Variants in FRAS1 observed in about 807,000 individuals in gnomAD.
The protein encoded by FRAS1 is Fraser extracellular matrix complex subunit 1, also known as extracellular matrix organizing protein FRAS1.
A neutral mutation model predicts 435.2 loss-of-function variants in FRAS1; 290 were observed. The observed-to-expected ratio is 0.67, with a 90% CI of 0.61 to 0.73. FRAS1 has a LOEUF of 0.73. Among genes scored for constraint, FRAS1 ranks in the 30% least tolerant of loss-of-function variants. The probability of loss-of-function intolerance (pLI) is 0.00; values close to 1 mark genes in which losing one functional copy is unlikely to be tolerated. For synonymous variants in FRAS1, 1,800 were observed against 1,851.0 expected, an observed-to-expected ratio of 0.97 and a Z score of 0.71; for missense variants, 4,860 against 5,001.5, an observed-to-expected ratio of 0.97 and a Z score of 0.85.
intron 2 of FRAS1, among the ~76,000 whole-genome samples, chr4:78,125,141 C>T (rs1002323220): frequency 6.6e-6 from 1 of 152,108 alleles, no homozygotes; most frequent in African/African-American, 2.4e-5. Flanking sequence ...TATAAATTTC[C>T]CTCTACACAC....
intron 58 of FRAS1, among the ~76,000 whole-genome samples, chr4:78,483,854 G>A (rs2109861300): frequency 6.8e-6 from 1 of 146,820 alleles, no homozygotes; most frequent in Admixed American, 6.9e-5. Flanking sequence ...ACACATACTT[G>A]CATGCATCCA....
chr4:78,464,172 T>C, intron 48 of FRAS1, 27 bp downstream of exon 48: 1 of 1,591,168 alleles, frequency 6.3e-7, no homozygotes. Flanking sequence ...ACTCCATCCT[T>C]GAAAAGTATT....
At chr4:78,117,926 T>G in intron 2 of FRAS1, among the ~76,000 whole-genome samples, 1 of 152,230 alleles carries the variant, frequency 6.6e-6, no homozygotes. Context: ...GAGTTTCCAG[T>G]TTTTCTGCTC....
intron 2 of FRAS1, among the ~76,000 whole-genome samples, chr4:78,162,249 A>T (rs1721172452): frequency 1.3e-5 from 2 of 152,192 alleles, no homozygotes; most frequent in African/African-American, 4.8e-5. Flanking sequence ...CCACAAGAAA[A>T]AGGTTTTTAA....
chr4:78,455,424 A>G (rs7693839), intron 47 of FRAS1, among the ~76,000 whole-genome samples: 113,869 of 150,990 alleles, frequency 0.75, 43,469 homozygotes, highest in African/African-American at 0.85. Flanking sequence ...TTGAGGAGGG[A>G]GGGGGTTCTG....
At chr4:78,417,042 C>G (rs1560715109) in intron 32 of FRAS1, among the ~76,000 whole-genome samples, 1 of 152,120 alleles carries the variant, frequency 6.6e-6, no homozygotes, top group East Asian at 1.9e-4. Context: ...AGTTTAATCT[C>G]TCATTTCTTA....
At chr4:78,460,031 A>G (rs1243989591) in intron 47 of FRAS1, among the ~76,000 whole-genome samples, 14 of 152,172 alleles carry the variant, frequency 9.2e-5, no homozygotes, top group Non-Finnish European at 4.4e-5. Flanking sequence ...GAAAGGGTGC[A>G]ATTCAACCCA....
At chr4:78,285,172 C>T (rs1468896468) in intron 13 of FRAS1, among the ~76,000 whole-genome samples, 1 of 151,964 alleles carries the variant, frequency 6.6e-6, no homozygotes, top group African/African-American at 2.4e-5. Context: ...CCCCTTATTT[C>T]TGACTTATGA....
intron 19 of FRAS1, among the ~76,000 whole-genome samples, chr4:78,334,372 T>C (rs1333467124): frequency 2.0e-5 from 2 of 98,164 alleles, no homozygotes; most frequent in East Asian, 2.2e-4. Flanking sequence ...TCTTTTTTTT[T>C]TTTTTTTTTT....
At chr4:78,234,892 G>C (rs115902644) in intron 2 of FRAS1, among the ~76,000 whole-genome samples, 2,247 of 152,244 alleles carry the variant, frequency 0.015, 44 homozygotes, top group African/African-American at 0.05. Flanking sequence ...TATTAGTCTA[G>C]GTTCTCCAGA....
intron 2 of FRAS1, among the ~76,000 whole-genome samples, chr4:78,186,945 G>C (rs796146200): frequency 4.6e-5 from 7 of 152,206 alleles, no homozygotes; most frequent in African/African-American, 1.7e-4. Flanking sequence ...CCAAATCTTT[G>C]AGCCTAAAAT....
intron 2 of FRAS1, among the ~76,000 whole-genome samples, chr4:78,100,085 T>A (rs991572734): frequency 3.3e-5 from 5 of 152,156 alleles, no homozygotes; most frequent in Non-Finnish European, 7.3e-5. Flanking sequence ...AATTTCCAGG[T>A]TGTAGTAAGA....
intron 2 of FRAS1, among the ~76,000 whole-genome samples, chr4:78,116,994 C>G (rs1477221928): frequency 6.6e-6 from 1 of 152,208 alleles, no homozygotes; most frequent in African/African-American, 2.4e-5. Flanking sequence ...ATGTTTAGTG[C>G]TTCCTTCAGG....
chr4:78,430,088 T>G (rs1734152712), intron 36 of FRAS1, among the ~76,000 whole-genome samples: 1 of 152,194 alleles, frequency 6.6e-6, no homozygotes, highest in Non-Finnish European at 1.5e-5. Context: ...ACATGAACTT[T>G]TGGAAGCACC....
At chr4:78,182,270 A>G (rs1722047245) in intron 2 of FRAS1, among the ~76,000 whole-genome samples, 3 of 152,222 alleles carry the variant, frequency 2.0e-5, no homozygotes, top group Non-Finnish European at 4.4e-5. Context: ...TGGTTATATG[A>G]TGTACCATGT....
intron 35 of FRAS1, 50 bp downstream of exon 35, chr4:78,424,470 AT>A: frequency 1.1e-6 from 1 of 929,538 alleles, no homozygotes; most frequent in South Asian, 2.0e-5. Flanking sequence ...TTCTTTCCTT[AT>A]TAGTTCTTTC....
intron 47 of FRAS1, among the ~76,000 whole-genome samples, chr4:78,455,165 A>G (rs1282340658): frequency 1.3e-5 from 2 of 151,634 alleles, no homozygotes; most frequent in Non-Finnish European, 2.9e-5. Flanking sequence ...TGCCCTCCTC[A>G]TCACCAACCC....
chr4:78,524,278 T>C (rs1340559636), intron 69 of FRAS1, among the ~76,000 whole-genome samples: 1 of 152,202 alleles, frequency 6.6e-6, no homozygotes, highest in East Asian at 1.9e-4. Context: ...TTTAGGAGCT[T>C]ACCTTTGAGG....
At chr4:78,104,037 C>T (rs1252142539) in intron 2 of FRAS1, among the ~76,000 whole-genome samples, 2 of 152,176 alleles carry the variant, frequency 1.3e-5, no homozygotes, top group East Asian at 1.9e-4. Context: ...CTCCTGCATG[C>T]TTACAGCTCA....
Sources: gnomAD v4.1 joint callset for allele counts (sites outside exome capture counted in the v4.1 genomes callset) on GRCh38, gnomAD v4.1.1 for gene constraint, MANE v1.5 for transcripts, NCBI Gene and HGNC (gene_info 2026-07-23, HGNC 2026-07-21) for gene names.